Variants in GADL1 observed in about 807,000 individuals in gnomAD.
GADL1 encodes the protein acidic amino acid decarboxylase GADL1.
Under a neutral mutation model 69.5 loss-of-function variants are expected in GADL1, and 71 were observed. That is an observed-to-expected ratio of 1.02 (90% CI 0.84 to 1.25). The LOEUF is 1.25. GADL1 is among the 50% of genes most tolerant of loss of function. The pLI is 0.00. For synonymous variants in GADL1, 254 were observed against 214.4 expected (o/e 1.18, Z -1.62); for missense variants, 737 against 631.8 (o/e 1.17, Z -1.79).
At chr3:30,861,117 G>C (rs551811037) in intron 2 of GADL1, among the ~76,000 whole-genome samples, 31 of 151,942 alleles carry the variant, frequency 2.0e-4, no homozygotes, top group Admixed American at 1.9e-3. Context: ...AAGATTTCTA[G>C]GCTAAATTTA....
chr3:30,889,686 A>C (rs1170566136), intron 1 of GADL1, among the ~76,000 whole-genome samples: 1 of 152,044 alleles, frequency 6.6e-6, no homozygotes, highest in African/African-American at 2.4e-5. Context: ...CAATTATGCA[A>C]TTTTGGAATG....
intron 1 of GADL1, among the ~76,000 whole-genome samples, chr3:30,866,977 A>T (rs1215996348): frequency 6.6e-6 from 1 of 151,894 alleles, no homozygotes; most frequent in Non-Finnish European, 1.5e-5. Context: ...TCCCTCCACA[A>T]CCTGTGGCCC....
intron 14 of GADL1, among the ~76,000 whole-genome samples, chr3:30,774,381 G>T (rs1255305013): frequency 1.3e-5 from 2 of 152,130 alleles, no homozygotes; most frequent in East Asian, 3.9e-4. Flanking sequence ...CAAATATTTT[G>T]TGGCCATTTT....
At chr3:30,835,791 T>C (rs1020955619) in intron 9 of GADL1, among the ~76,000 whole-genome samples, 1 of 152,052 alleles carries the variant, frequency 6.6e-6, no homozygotes, top group African/African-American at 2.4e-5. Flanking sequence ...GTGTTGGGTG[T>C]TCAAATCCCA....
At position 30,767,702 on chromosome 3, in the gene GADL1, AT is replaced by A. The variant is rs573545411; in HGVS notation, c.1392+10476del. Reference sequence around the variant, plus strand: ...CTTCAGCTTTGAAGCAGTGGAATAAATTATGAAGGAAAAGATTGACAGATTT... The same window carrying A: ...CTTCAGCTTTGAAGCAGTGGAATAAATATGAAGGAAAAGATTGACAGATTT... On this transcript the variant is annotated intron_variant, in intron 14 of 14. Coordinates refer to ENST00000282538, the MANE Select transcript of GADL1 (RefSeq NM_207359.3). Among the ~76,000 whole-genome samples, 26 of 152,286 alleles carry A rather than the reference AT, an allele frequency of 1.7e-4. No individual in the cohort carries two copies. In the South Asian group the frequency reaches 5.0e-3, roughly 29 times the overall value.
At chr3:30,868,686 CA>C (rs1350676611) in intron 1 of GADL1, among the ~76,000 whole-genome samples, 1 of 151,906 alleles carries the variant, frequency 6.6e-6, no homozygotes, top group African/African-American at 2.4e-5. Context: ...TTTTGGCACT[CA>C]CGTTACACTG....
chr3:30,806,621 T>C (rs1157641750), intron 11 of GADL1, among the ~76,000 whole-genome samples: 2 of 152,164 alleles, frequency 1.3e-5, no homozygotes, highest in African/African-American at 4.8e-5. Context: ...AAGCCACTAC[T>C]GTCCAGTGCT....
intron 14 of GADL1, among the ~76,000 whole-genome samples, chr3:30,744,817 T>G (rs1046491973): frequency 6.6e-6 from 1 of 152,190 alleles, no homozygotes; most frequent in Non-Finnish European, 1.5e-5. Context: ...CCATAAATAA[T>G]AGAAAACAAA....
chr3:30,797,669 T>TG (rs1697069674), intron 12 of GADL1: 1 of 113,024 alleles, frequency 8.8e-6, no homozygotes, highest in African/African-American at 2.8e-5. Flanking sequence ...GTTTTGTTTT[T>TG]GTTTTTTTTT....
At chr3:30,840,267 T>A (rs1339705639) in intron 8 of GADL1, among the ~76,000 whole-genome samples, 3 of 152,132 alleles carry the variant, frequency 2.0e-5, no homozygotes, top group Non-Finnish European at 4.4e-5. Context: ...GACAGAAAGA[T>A]GTTATTTCTC....
chr3:30,810,007 T>C (rs1231175235), intron 11 of GADL1, among the ~76,000 whole-genome samples: 7 of 152,226 alleles, frequency 4.6e-5, no homozygotes, highest in Non-Finnish European at 8.8e-5. Flanking sequence ...AGTTTGCTGA[T>C]ACATGAGGTG....
intron 14 of GADL1, among the ~76,000 whole-genome samples, chr3:30,763,314 C>T (rs1023311056): frequency 1.3e-5 from 2 of 152,088 alleles, no homozygotes; most frequent in Middle Eastern, 3.4e-3. Context: ...CTGGCTAACA[C>T]GGTGAAACCC....
chr3:30,835,523 G>T (rs1697860033), intron 9 of GADL1, among the ~76,000 whole-genome samples: 1 of 152,004 alleles, frequency 6.6e-6, no homozygotes, highest in African/African-American at 2.4e-5. Flanking sequence ...GCAACTTTGT[G>T]GCCTTAAATC....
chr3:30,858,251 G>T (rs1324911291), intron 2 of GADL1, among the ~76,000 whole-genome samples: 1 of 151,994 alleles, frequency 6.6e-6, no homozygotes, highest in Non-Finnish European at 1.5e-5. Flanking sequence ...AGATAAGCAA[G>T]GCTCAGATCA....
At chr3:30,852,441 G>A (rs1658392083) in intron 4 of GADL1, among the ~76,000 whole-genome samples, 2 of 152,102 alleles carry the variant, frequency 1.3e-5, no homozygotes, top group African/African-American at 4.8e-5. Context: ...AACCTGGGAG[G>A]CGGAGGTTGC....
chr3:30,762,508 G>A (rs1165520205), intron 14 of GADL1, among the ~76,000 whole-genome samples: 1 of 152,124 alleles, frequency 6.6e-6, no homozygotes, highest in Non-Finnish European at 1.5e-5. Context: ...CATAGTAGGT[G>A]TATATAATTC....
At chr3:30,807,213 C>T (rs978035297) in intron 11 of GADL1, among the ~76,000 whole-genome samples, 1 of 152,214 alleles carries the variant, frequency 6.6e-6, no homozygotes, top group African/African-American at 2.4e-5. Context: ...TGACCCCTCC[C>T]AGCTGTCACT....
intron 13 of GADL1, among the ~76,000 whole-genome samples, chr3:30,781,900 A>T (rs972535020): frequency 1.3e-5 from 2 of 152,240 alleles, no homozygotes; most frequent in Non-Finnish European, 2.9e-5. Context: ...AATGTGCACT[A>T]GTGAGGTACA....
chr3:30,813,186 T>A lies in GADL1; in HGVS notation c.1051-12098A>T, dbSNP rs1044874211. 4.2e-4 allele frequency among the ~76,000 whole-genome samples: 64 copies of A among 152,212 alleles called. 1 individual carries two copies. Among genetic ancestry groups the A allele is most frequent in the African/African-American group, 1.5e-3 (63 of 41,460 alleles). ...ATTTGCTATGTAACTGTCAACTACA[T>A]CACCTTGCTTCATCATATAACATTT... On this transcript the variant is annotated intron_variant, in intron 11 of 14. Coordinates refer to ENST00000282538, the MANE Select transcript of GADL1 (RefSeq NM_207359.3).
Sources: gnomAD v4.1 joint callset for allele counts (sites outside exome capture counted in the v4.1 genomes callset) on GRCh38, gnomAD v4.1.1 for gene constraint, MANE v1.5 for transcripts, NCBI Gene and HGNC (gene_info 2026-07-23, HGNC 2026-07-21) for gene names.